FBXO11: variants seen among roughly 807,000 people sequenced by gnomAD.
FBXO11 encodes the protein F-box only protein 11.
In FBXO11, 13 loss-of-function variants were observed where a neutral mutation model predicts 117.0. The observed-to-expected ratio is 0.11, with a 90% CI of 0.07 to 0.18. The LOEUF (loss-of-function observed/expected upper bound fraction) is 0.18. FBXO11 is among the 10% of genes least tolerant of loss of function. The pLI, the probability that FBXO11 is intolerant of heterozygous loss-of-function variation, is 1.00. For missense variants in FBXO11, 767 were observed against 1,164.4 expected, an observed-to-expected ratio of 0.66 and a Z score of 4.97; for synonymous variants, 490 against 380.5, an observed-to-expected ratio of 1.29 and a Z score of -3.35.
intron 13 of FBXO11, among the ~76,000 whole-genome samples, chr2:47,820,999 A>G (rs1671339706): frequency 6.6e-6 from 1 of 152,266 alleles, no homozygotes; most frequent in Non-Finnish European, 1.5e-5. Flanking sequence ...TGAGGAATAA[A>G]TATTTTCTTT....
rs150437042 is a variant in FBXO11 at position 47,871,484 on chromosome 2, T to C, written c.233-31715A>G. Reference sequence around the variant, plus strand: ...TAATCTGTCATGAAAGACAACTAAATGCATTCATTCAGTTTTCTGGTTTTT... The same window carrying C: ...TAATCTGTCATGAAAGACAACTAAACGCATTCATTCAGTTTTCTGGTTTTT... On this transcript the variant is annotated intron_variant, in intron 1 of 22. Transcript: ENST00000403359. 6.4e-3 allele frequency among the ~76,000 whole-genome samples: 975 copies of C among 152,284 alleles called. 6 individuals carry two copies. The highest frequency in any genetic ancestry group is 0.022 in the African/African-American group (930 of 41,548).
At chr2:47,852,067 C>G (rs1256551376) in intron 1 of FBXO11, among the ~76,000 whole-genome samples, 1 of 150,360 alleles carries the variant, frequency 6.7e-6, no homozygotes, top group Non-Finnish European at 1.5e-5. Flanking sequence ...TCTTGGCTCA[C>G]TGCAACCTCC....
intron 11 of FBXO11, among the ~76,000 whole-genome samples, chr2:47,830,512 A>G (rs541573767): frequency 1.3e-5 from 2 of 152,328 alleles, no homozygotes; most frequent in South Asian, 2.1e-4. Context: ...ATATAGACCA[A>G]TAACTGTAGG....
chr2:47,890,873 A>T (rs1380674190), intron 1 of FBXO11, among the ~76,000 whole-genome samples: 1 of 152,160 alleles, frequency 6.6e-6, no homozygotes, highest in Non-Finnish European at 1.5e-5. Context: ...GCTGGAATGC[A>T]GTGGTGCAAT....
intron 1 of FBXO11, among the ~76,000 whole-genome samples, chr2:47,898,795 C>T (rs1677870463): frequency 6.6e-6 from 1 of 152,162 alleles, no homozygotes; most frequent in South Asian, 2.1e-4. Flanking sequence ...TTATTGCATC[C>T]CCTGAAAGTT....
At chr2:47,821,980 G>T (rs746714535) in intron 13 of FBXO11, among the ~76,000 whole-genome samples, 1 of 152,160 alleles carries the variant, frequency 6.6e-6, no homozygotes, top group Non-Finnish European at 1.5e-5. Context: ...AGCTACCAGG[G>T]AGGCTGAAGG....
intron 21 of FBXO11, chr2:47,808,884 A>G: frequency 3.2e-6 from 1 of 315,624 alleles, no homozygotes; most frequent in Non-Finnish European, 5.8e-6. Flanking sequence ...TTTTGTAGAG[A>G]CAGGGTCTCC....
intron 4 of FBXO11, among the ~76,000 whole-genome samples, chr2:47,838,386 C>T (rs949437422): frequency 1.2e-4 from 18 of 151,972 alleles, no homozygotes; most frequent in South Asian, 1.0e-3. Context: ...TAGGCTGTTA[C>T]GAAAAATCTG....
intron 1 of FBXO11, among the ~76,000 whole-genome samples, chr2:47,863,213 T>TAG (rs1224139971): frequency 6.6e-6 from 1 of 152,180 alleles, no homozygotes; most frequent in African/African-American, 2.4e-5. Context: ...CAACATATAG[T>TAG]AGTCTCAAGT....
In FBXO11 at chr2:47,905,828, G is replaced by A. The variant is rs533224477; in HGVS notation, c.-108C>T. The stretch of plus-strand genomic sequence containing the variant: ...GGGAGAGTGGGAGAGGGGGGAGGAA[G>A]GAGAGGGGGCGAGGGGAAGGGGAGA... On this transcript the variant is annotated 5_prime_UTR_variant, in exon 1 of 23. Coordinates refer to ENST00000403359, the MANE Select transcript of FBXO11 (RefSeq NM_001190274.2). 449 of 751,316 alleles carry A rather than the reference G, an allele frequency of 6.0e-4. 3 individuals carry two copies. Among genetic ancestry groups the A allele is most frequent in the African/African-American group, 3.6e-3 (183 of 51,448 alleles). 46.5% of individuals were successfully genotyped at this position (751,316 alleles called of 1,614,324 possible).
At chr2:47,868,769 G>A (rs1039464261) in intron 1 of FBXO11, among the ~76,000 whole-genome samples, 1 of 152,170 alleles carries the variant, frequency 6.6e-6, no homozygotes, top group African/African-American at 2.4e-5. Flanking sequence ...TAGCAGCAGA[G>A]GCCAATACTT....
At chr2:47,869,979 G>C (rs150773375) in intron 1 of FBXO11, among the ~76,000 whole-genome samples, 79 of 152,284 alleles carry the variant, frequency 5.2e-4, no homozygotes, top group African/African-American at 1.9e-3. Flanking sequence ...GCCTGGCCAA[G>C]ATTAGAATTT....
At chr2:47,882,238 TTCTTA>T (rs1467310593) in intron 1 of FBXO11, among the ~76,000 whole-genome samples, 3 of 152,202 alleles carry the variant, frequency 2.0e-5, no homozygotes, top group Non-Finnish European at 4.4e-5. Context: ...GCACTTTACT[TTCTTA>T]TCTTATAAAT....
intron 1 of FBXO11, among the ~76,000 whole-genome samples, chr2:47,904,504 G>A (rs1008447341): frequency 1.3e-5 from 2 of 152,022 alleles, no homozygotes; most frequent in Non-Finnish European, 2.9e-5. Flanking sequence ...GTGGTTACCA[G>A]ACAGTGCTAA....
At position 47,839,000 on chromosome 2, in the gene FBXO11, G is replaced by C. The variant is rs759493145; in HGVS notation, c.446C>G (p.Ala149Gly). 4 of 1,612,488 alleles carry C rather than the reference G, an allele frequency of 2.5e-6. No homozygotes were observed. In the South Asian group the frequency reaches 4.4e-5, roughly 18 times the overall value. Residue 149 changes from alanine to glycine, a missense_variant, in exon 4 of 23, where the codon GCA becomes GGA. This residue lies in a region of FBXO11 where 355 missense variants were observed against 299.8 expected (regional missense o/e 1.18). Transcript: ENST00000403359. ...CTCCTGAAGATACTGTTCAGCAGGTGCTGCTATAAAGAGATTAACATATAA... is the reference window on the plus strand; with the variant it reads ...CTCCTGAAGATACTGTTCAGCAGGTCCTGCTATAAAGAGATTAACATATAA... ...VSGKSQDLSAAPAEQYLQEKL... is the reference protein window; with the variant it reads ...VSGKSQDLSAGPAEQYLQEKL...
In FBXO11 at chr2:47,807,782, GATT is replaced by G. The variant is rs957132649; in HGVS notation, c.*333_*335del. ...GCAACAAAGCTGCTTGTCTATTGAA[GATT>G]ACTACTGCAAATTGGACTGCATTCA... On this transcript the variant is annotated 3_prime_UTR_variant, in exon 23 of 23. Coordinates refer to ENST00000403359, the MANE Select transcript of FBXO11 (RefSeq NM_001190274.2). 1.2e-5 allele frequency: 3 copies of G among 258,072 alleles called. No individual in the cohort carries two copies. The highest frequency in any genetic ancestry group is 6.6e-5 in the African/African-American group (3 of 45,760). 16.0% of individuals were successfully genotyped at this position (258,072 alleles called of 1,614,324 possible).
chr2:47,868,193 G>C (rs1675339432), intron 1 of FBXO11, among the ~76,000 whole-genome samples: 1 of 147,956 alleles, frequency 6.8e-6, no homozygotes, highest in Non-Finnish European at 1.5e-5. Context: ...TGAGGCAGGA[G>C]AATCACTTGA....
chr2:47,894,455 G>C (rs1313120299), intron 1 of FBXO11, among the ~76,000 whole-genome samples: 1 of 152,130 alleles, frequency 6.6e-6, no homozygotes, highest in Non-Finnish European at 1.5e-5. Flanking sequence ...CTTAAGTGGA[G>C]AAACAAAATT....
In FBXO11 at chr2:47,841,404, C is replaced by G. The variant is rs189255260; in HGVS notation, c.233-1635G>C. Among the ~76,000 whole-genome samples, 529 of 152,176 alleles carry G rather than the reference C, an allele frequency of 3.5e-3. 11 individuals are homozygous for G. Among genetic ancestry groups the G allele is most frequent in the Admixed American group, 0.033 (500 of 15,284 alleles). ...ATCTCTAATGAGTTAACAGATTTAA[C>G]CAATGAGTACCAATAGTTTGTAAAA... On this transcript the variant is annotated intron_variant, in intron 1 of 22. Transcript: ENST00000403359.
Sources: gnomAD v4.1 joint callset for allele counts (sites outside exome capture counted in the v4.1 genomes callset) on GRCh38, gnomAD v4.1.1 for gene constraint, gnomAD v4.1.1 regional missense constraint, MANE v1.5 for transcripts, NCBI Gene and HGNC (gene_info 2026-07-23, HGNC 2026-07-21) for gene names.